The following LILRA6 variants were observed in gnomAD, a reference collection of about 807,000 sequenced individuals.
The protein encoded by LILRA6 is leukocyte immunoglobulin-like receptor subfamily A member 6.
LILRA6 carries 16 observed loss-of-function variants against 53.9 expected under a neutral mutation model. The ratio of observed to expected loss-of-function variants is 0.30; its 90% confidence interval spans 0.20 to 0.45. The LOEUF is 0.45. Ranked by LOEUF, LILRA6 falls within the 20% of genes least tolerant of loss-of-function variation. LILRA6 has a pLI of 1.00. For synonymous variants in LILRA6, 135 were observed against 256.4 expected (o/e 0.53, Z 4.52); for missense variants, 306 against 618.6 (o/e 0.49, Z 5.36).
Position 54,239,195 on chromosome 19 carries a change from C to G in LILRA6, c.1310-106G>C. The G allele has an allele frequency of 7.0e-6, 11 of 1,578,996 alleles. 1 individual carries two copies. Among genetic ancestry groups the G allele is most frequent in the Non-Finnish European group, 9.5e-6 (11 of 1,163,558 alleles). On this transcript the variant is annotated intron_variant, in intron 7 of 7. Transcript: ENST00000396365. ...ACCCCCCATCCGCCATTGACAGAAC[C>G]TGACCCTCTGTGCCCGCCCCATAAC...
chr19:54,240,894 C>A, exon 5 of LILRA6: 1 of 1,614,098 alleles, frequency 6.2e-7, no homozygotes, highest in Middle Eastern at 1.7e-4. Context: ...TTGTGTGCAC[C>A]ATAGCACCTG....
chr19:54,239,137 T>C (rs1198710581), intron 7 of LILRA6, 48 bp from the exon 8 acceptor site: 18 of 1,607,012 alleles, frequency 1.1e-5, no homozygotes, highest in Non-Finnish European at 1.5e-5. Flanking sequence ...CAGATCAACT[T>C]CACCCAGGAC....
At chr19:54,239,250 G>T in intron 7 of LILRA6, 161 bp from the exon 8 acceptor site, 1 of 1,525,906 alleles carries the variant, frequency 6.6e-7, no homozygotes, top group Non-Finnish European at 8.8e-7. Flanking sequence ...TGGGGTGAGG[G>T]TCTCAGCTCC....
At chr19:54,238,318 G>GAGCC (rs1174627259), downstream of LILRA6, 1 of 151,128 alleles carries the variant, frequency 6.6e-6, no homozygotes, top group African/African-American at 2.5e-5. Context: ...TTACAGGCAT[G>GAGCC]AGCCACCGCG....
At chr19:54,237,844 C>G (rs1274124218), downstream of LILRA6, 1 of 150,600 alleles carries the variant, frequency 6.6e-6, no homozygotes, top group East Asian at 1.9e-4. Context: ...CGTAGTATCC[C>G]TTGGTGGAAT....
downstream of LILRA6, chr19:54,238,017 C>CTTTTTTTTTTTT (rs11458700): frequency 7.0e-6 from 1 of 143,440 alleles, no homozygotes; most frequent in Non-Finnish European, 1.5e-5. Flanking sequence ...TGTGTCTCTT[C>CTTTTTTTTTTTT]TTTTTTTTTT....
chr19:54,238,810 A>G (rs1488021580), exon 8 of LILRA6: 1 of 1,419,954 alleles, frequency 7.0e-7, no homozygotes, highest in Non-Finnish European at 9.3e-7. Context: ...ATTTGTGATC[A>G]GACATGATTA....
rs111731545 is a variant in LILRA6 at position 54,239,764 on chromosome 19, C to T, written c.1309+137G>A. 71 of 1,544,468 alleles carry T rather than the reference C, an allele frequency of 4.6e-5. No individual in the cohort carries two copies. In the African/African-American group the frequency reaches 5.3e-4, roughly 11 times the overall value. ...CCCCAACATCTCTCTCTGCCTTGAA[C>T]CCCCCACTCTTCACCAGCCCAGCCT... On this transcript the variant is annotated intron_variant, in intron 7 of 7. Transcript: ENST00000396365.
At chr19:54,238,381 T>C (rs1219446629), downstream of LILRA6, 3 of 151,224 alleles carry the variant, frequency 2.0e-5, no homozygotes, top group Non-Finnish European at 4.4e-5. Flanking sequence ...TTCCCCAAAT[T>C]GATTCAAGTA....
chr19:54,239,640 T>G, intron 7 of LILRA6: 3 of 1,423,584 alleles, frequency 2.1e-6, no homozygotes, highest in East Asian at 2.5e-5. Context: ...CCTGGGGGGT[T>G]GAGGGGCTGG....
downstream of LILRA6, chr19:54,237,967 C>T (rs1162561741): frequency 2.2e-4 from 33 of 149,630 alleles, no homozygotes; most frequent in Non-Finnish European, 2.9e-5. Context: ...ACCATATGAA[C>T]ACATTTTCCT....
chr19:54,237,813 G>T (rs941672298), downstream of LILRA6: 1 of 150,736 alleles, frequency 6.6e-6, no homozygotes, highest in African/African-American at 2.5e-5. Context: ...TGTAGATTTT[G>T]TCTGTGCCTC....
At position 54,241,769 on chromosome 19, in the gene LILRA6, C is replaced by T; in HGVS notation, c.465G>A (p.Leu155=). The T allele has an allele frequency of 2.1e-6, 3 of 1,414,116 alleles. 1 individual carries two copies. Among genetic ancestry groups the T allele is most frequent in the Non-Finnish European group, 2.9e-6 (3 of 1,035,222 alleles). The allele number at this position is 1,414,116 out of a possible 1,614,324, so 87.6% of individuals were successfully genotyped here. Residue 155 remains leucine, a synonymous_variant, in exon 4 of 8, where the codon CTG becomes CTA. Transcript: ENST00000396365. ...GGAGCTGGTGTTCTCCTTCCTTCAT[C>T]AGAACAAAATGGTGATATCCCTTCT...
chr19:54,242,737 G>A lies in LILRA6; in HGVS notation c.15C>T (p.Leu5=), dbSNP rs2078798092. ...TCTCACCTAGGCAGAGCAGGGCTGC[G>A]AGGGTGGGGGTCATGGCGTCTCCTC... is the stretch of plus-strand genomic sequence containing the variant. Residue 5 remains leucine (L), a synonymous_variant, in exon 1 of 8, where the codon CTC becomes CTT. Coordinates refer to ENST00000396365, the Ensembl canonical transcript of LILRA6. 3.7e-6 allele frequency: 4 copies of A among 1,066,880 alleles called. 2 individuals carry two copies. The highest frequency in any genetic ancestry group is 4.9e-5 in the East Asian group (2 of 40,446). The allele number at this position is 1,066,880 out of a possible 1,614,324, so 66.1% of individuals were successfully genotyped here. A position where few individuals can be genotyped will look rare whatever the true frequency, so the allele number is the denominator to read the frequency against.
At chr19:54,240,365 G>T (rs760236965) in exon 6 of LILRA6, 6 of 1,607,494 alleles carry the variant, frequency 3.7e-6, no homozygotes, top group Admixed American at 3.3e-5. Context: ...TCCCCGCGTG[G>T]GCTGAGGTCA....
downstream of LILRA6, chr19:54,237,139 GA>G (rs2078650259): frequency 6.6e-6 from 1 of 150,880 alleles, no homozygotes; most frequent in South Asian, 2.1e-4. Flanking sequence ...GACGCTGGTG[GA>G]TCACCTTAGG....
At chr19:54,240,306 A>G (rs3193485) in exon 6 of LILRA6, 1 of 1,424,748 alleles carries the variant, frequency 7.0e-7, no homozygotes, top group Non-Finnish European at 9.5e-7. Flanking sequence ...CTCACTGGGG[A>G]AAGACAGCAG....
At chr19:54,238,821 C>T in exon 8 of LILRA6, 5 of 1,460,376 alleles carry the variant, frequency 3.4e-6, no homozygotes, top group Non-Finnish European at 4.5e-6. Context: ...GACATGATTA[C>T]CTTCCACAGT....
At chr19:54,238,070 G>C (rs2078660605), downstream of LILRA6, 2 of 133,596 alleles carry the variant, frequency 1.5e-5, no homozygotes, top group South Asian at 5.1e-4. Context: ...ACCTGGGCCG[G>C]AGTGCAATGG....
Sources: allele counts gnomAD v4.1 joint callset, GRCh38; gene constraint gnomAD v4.1.1; transcripts MANE v1.5; gene names NCBI Gene and HGNC (gene_info 2026-07-23, HGNC 2026-07-21).